Variants in DPYSL3 observed in about 807,000 individuals in gnomAD.
The protein encoded by DPYSL3 is dihydropyrimidinase like 3.
Under a neutral mutation model 66.1 loss-of-function variants are expected in DPYSL3, and 16 were observed. That is an observed-to-expected ratio of 0.24 (90% confidence interval 0.16 to 0.37). The LOEUF (loss-of-function observed/expected upper bound fraction) is 0.37. Among genes scored for constraint, DPYSL3 ranks in the 10% least tolerant of loss-of-function variants. DPYSL3 has a pLI of 1.00. For synonymous variants in DPYSL3, 338 were observed against 345.1 expected (o/e 0.98, Z 0.23); for missense variants, 738 against 916.2 (o/e 0.81, Z 2.51).
intron 1 of DPYSL3, among the ~76,000 whole-genome samples, chr5:147,448,084 GT>G (rs1166626006): frequency 2.0e-5 from 3 of 150,888 alleles, no homozygotes; most frequent in East Asian, 3.9e-4. Flanking sequence ...GACAGGAGGG[GT>G]TTTTTTTTCT....
chr5:147,485,345 G>A (rs112537926), intron 1 of DPYSL3, among the ~76,000 whole-genome samples: 2 of 152,108 alleles, frequency 1.3e-5, no homozygotes, highest in African/African-American at 4.8e-5. Context: ...AGATTTTTAA[G>A]CCAAAGAGCT....
intron 11 of DPYSL3, 30 bp from the exon 12 acceptor site, chr5:147,397,875 A>T: frequency 6.4e-7 from 1 of 1,556,692 alleles, no homozygotes; most frequent in Non-Finnish European, 8.7e-7. Context: ...GCAAAGCCAC[A>T]GTAAGGGTAG....
chr5:147,406,684 A>T (rs368912333), intron 7 of DPYSL3, among the ~76,000 whole-genome samples: 2 of 152,194 alleles, frequency 1.3e-5, no homozygotes, highest in Non-Finnish European at 2.9e-5. Context: ...GTCTACTCTC[A>T]ACTTGTGTAA....
rs1181060345 is a variant in DPYSL3, at chr5:147,395,619, A to C, written c.1906T>G (p.Ser636Ala). Reference protein sequence around the residue: ...GGTPAGSARGSPTRPNPPVRN... With the variant: ...GGTPAGSARGAPTRPNPPVRN... Reference sequence around the variant, plus strand: ...ACAGGTGGGTTCGGCCGAGTAGGAGAGCCCCGAGCAGAGCCTGCGGGGGTG... The same window carrying C: ...ACAGGTGGGTTCGGCCGAGTAGGAGCGCCCCGAGCAGAGCCTGCGGGGGTG... The change falls in exon 13 of 14, where the codon TCT becomes GCT. Residue 636 changes from serine (S) to alanine (A), a missense_variant. By Grantham distance (99) the Ser-to-Ala change is moderately conservative. Coordinates refer to ENST00000343218, the MANE Select transcript of DPYSL3 (RefSeq NM_001197294.2). 6.2e-7 allele frequency: 1 copy of C among 1,614,016 alleles called. No homozygotes were observed. The highest frequency in any genetic ancestry group is 8.5e-7 in the Non-Finnish European group (1 of 1,180,014).
intron 1 of DPYSL3, among the ~76,000 whole-genome samples, chr5:147,464,597 A>G (rs1752984725): frequency 1.3e-5 from 2 of 152,180 alleles, no homozygotes; most frequent in African/African-American, 4.8e-5. Context: ...TGTGAACTAC[A>G]TGGGTTCTTA....
chr5:147,413,705 A>G (rs1211155930), intron 4 of DPYSL3, 48 bp from the exon 5 acceptor site: 1 of 1,480,594 alleles, frequency 6.8e-7, no homozygotes. Flanking sequence ...CAACATTATC[A>G]TGACTGTCCT....
chr5:147,468,078 T>C (rs905198624), intron 1 of DPYSL3, among the ~76,000 whole-genome samples: 1 of 152,214 alleles, frequency 6.6e-6, no homozygotes, highest in Non-Finnish European at 1.5e-5. Context: ...TTCCAACATA[T>C]AAATTTCCAA....
At chr5:147,460,083 C>T (rs1752910427) in intron 1 of DPYSL3, among the ~76,000 whole-genome samples, 1 of 151,608 alleles carries the variant, frequency 6.6e-6, no homozygotes, top group Non-Finnish European at 1.5e-5. Flanking sequence ...TGCACTCCAG[C>T]CTGGGCGACA....
chr5:147,452,881 GCACACACA>G (rs3995474), intron 1 of DPYSL3, among the ~76,000 whole-genome samples: 9,445 of 137,360 alleles, frequency 0.069, 575 homozygotes, highest in African/African-American at 0.17. Flanking sequence ...TGCATCGAAG[GCACACACA>G]CACACACACA....
intron 1 of DPYSL3, chr5:147,454,075 G>C (rs1203562648): frequency 6.6e-6 from 1 of 152,424 alleles, no homozygotes; most frequent in Non-Finnish European, 1.5e-5. Flanking sequence ...AGCGGAGGCT[G>C]AGTCCCGGGG....
intron 4 of DPYSL3, 56 bp downstream of exon 4, chr5:147,415,653 G>T: frequency 6.3e-7 from 1 of 1,584,200 alleles, no homozygotes; most frequent in Non-Finnish European, 8.6e-7. Flanking sequence ...GATGGTGTTG[G>T]AAGGACTGGC....
chr5:147,410,116 T>G (rs76861487), intron 6 of DPYSL3, among the ~76,000 whole-genome samples: 2,968 of 152,240 alleles, frequency 0.019, 93 homozygotes, highest in African/African-American at 0.068. Context: ...TAAAGTCTAG[T>G]GAGTTTCTAC....
chr5:147,486,715 C>T (rs890796629), intron 1 of DPYSL3, among the ~76,000 whole-genome samples: 17 of 152,004 alleles, frequency 1.1e-4, no homozygotes, highest in Admixed American at 7.9e-4. Context: ...CTGTTGGGTC[C>T]GTAAGTGGAT....
chr5:147,485,914 C>G (rs1332191651), intron 1 of DPYSL3, among the ~76,000 whole-genome samples: 6 of 152,132 alleles, frequency 3.9e-5, no homozygotes, highest in Non-Finnish European at 8.8e-5. Context: ...GTGCCTGGCC[C>G]AGCACTATTC....
intron 1 of DPYSL3, among the ~76,000 whole-genome samples, chr5:147,479,354 C>T (rs1301835976): frequency 6.6e-6 from 1 of 152,188 alleles, no homozygotes; most frequent in African/African-American, 2.4e-5. Context: ...AAATTCAGGT[C>T]TCAGCGCCTT....
At chr5:147,497,385 A>C (rs1753535277) in intron 1 of DPYSL3, among the ~76,000 whole-genome samples, 2 of 152,102 alleles carry the variant, frequency 1.3e-5, no homozygotes, top group South Asian at 4.1e-4. Context: ...ACGTACCCTA[A>C]AACTTAAAGT....
At chr5:147,474,893 A>G (rs899101281) in intron 1 of DPYSL3, among the ~76,000 whole-genome samples, 2 of 152,036 alleles carry the variant, frequency 1.3e-5, no homozygotes, top group African/African-American at 2.4e-5. Context: ...GAACATTTTC[A>G]TCACTCAAAA....
At chr5:147,486,436 G>A (rs1266882337) in intron 1 of DPYSL3, among the ~76,000 whole-genome samples, 1 of 152,154 alleles carries the variant, frequency 6.6e-6, no homozygotes, top group Non-Finnish European at 1.5e-5. Flanking sequence ...AGTGAAAAGG[G>A]TAGGACAAAA....
chr5:147,424,832 G>A, intron 2 of DPYSL3, 43 bp downstream of exon 2: 8 of 1,403,864 alleles, frequency 5.7e-6, no homozygotes, highest in South Asian at 1.2e-5. Flanking sequence ...ATTAATGAAG[G>A]AGGAAGTGCA....
Sources: allele counts gnomAD v4.1 joint callset (sites outside exome capture counted in the v4.1 genomes callset), GRCh38; gene constraint gnomAD v4.1.1; transcripts MANE v1.5; gene names NCBI Gene and HGNC (gene_info 2026-07-23, HGNC 2026-07-21).